ADGRG1: variants seen among roughly 807,000 people sequenced by gnomAD.
ADGRG1 encodes the protein 7-transmembrane protein with no EGF-like N-terminal domains-1.
ADGRG1 carries 53 observed loss-of-function variants against 73.5 expected under a neutral mutation model. The ratio of observed to expected loss-of-function variants is 0.72; its 90% CI spans 0.58 to 0.91. The LOEUF is 0.91. Among genes scored for constraint, ADGRG1 ranks in the 40% least tolerant of loss-of-function variants. ADGRG1 has a pLI of 0.00. For missense variants in ADGRG1, 795 were observed against 871.8 expected (o/e 0.91, Z 1.11); for synonymous variants, 394 against 374.4 (o/e 1.05, Z -0.60).
intron 1 of ADGRG1, chr16:57,646,890 A>G (rs1597390639): frequency 2.0e-6 from 2 of 980,200 alleles, no homozygotes; most frequent in East Asian, 2.3e-4. Context: ...CTGCTCAGCC[A>G]CTCCCTCTGG....
chr16:57,651,103 C>A, intron 2 of ADGRG1, 97 bp from the exon 3 acceptor site: 1 of 1,602,682 alleles, frequency 6.2e-7, no homozygotes, highest in Non-Finnish European at 8.5e-7. Flanking sequence ...GAATCTCAGG[C>A]TCCAGGTTCA....
intron 1 of ADGRG1, chr16:57,636,511 A>G: frequency 1.0e-6 from 1 of 985,250 alleles, no homozygotes; most frequent in Non-Finnish European, 1.2e-6. Context: ...TGATCCTGTT[A>G]GATGCTGGAG....
intron 1 of ADGRG1, among the ~76,000 whole-genome samples, chr16:57,649,583 G>A (rs1438799896): frequency 1.3e-5 from 2 of 152,050 alleles, no homozygotes; most frequent in Non-Finnish European, 2.9e-5. Flanking sequence ...TGTTCCCTCC[G>A]GGCCTGGAGG....
Position 57,631,523 on chromosome 16 carries a change from C to A in ADGRG1, c.-36+2721C>A, listed in dbSNP as rs182605859. 1.5e-3 allele frequency: 1,494 copies of A among 985,492 alleles called. 12 individuals are homozygous for A. The African/African-American group carries it at 0.024, about 16-fold the overall frequency. 61.0% of individuals were successfully genotyped at this position (985,492 alleles called of 1,614,324 possible). A position where few individuals can be genotyped will look rare whatever the true frequency, so the allele number is the denominator to read the frequency against. ...AACAGAGCCCCAAACCCCAGCACCA[C>A]CTCCTCCTCCCAGACTGGAGCTTGA... On this transcript the variant is annotated intron_variant, in intron 1 of 13. Transcript: ENST00000562631.
Position 57,653,966 on chromosome 16 carries a change from C to T in ADGRG1, c.621-20C>T, listed in dbSNP as rs373304800. ...CCGGCCCCCTCCCCACCATCACCACCGCTTTCTCCTCCCTGCCAGGCAGTT... is the reference window on the plus strand; with the variant it reads ...CCGGCCCCCTCCCCACCATCACCACTGCTTTCTCCTCCCTGCCAGGCAGTT... On this transcript the variant is annotated intron_variant, in intron 4 of 13. Coordinates refer to ENST00000562631, the MANE Select transcript of ADGRG1 (RefSeq NM_201525.4). 16 of 1,613,546 alleles carry T rather than the reference C, an allele frequency of 9.9e-6. No homozygotes were observed. Among genetic ancestry groups the T allele is most frequent in the African/African-American group, 2.7e-5 (2 of 74,914 alleles).
chr16:57,641,635 G>T, intron 1 of ADGRG1: 4 of 827,614 alleles, frequency 4.8e-6, no homozygotes, highest in Non-Finnish European at 5.8e-6. Context: ...GTGTGATCTT[G>T]GCTCATCGTA....
intron 12 of ADGRG1, 157 bp from the exon 13 acceptor site, chr16:57,661,540 C>G: frequency 1.0e-6 from 1 of 984,378 alleles, no homozygotes; most frequent in Non-Finnish European, 1.2e-6. Flanking sequence ...GACTTGTTAA[C>G]TCAAATGTAT....
At chr16:57,638,529 A>G (rs1437477273) in intron 1 of ADGRG1, among the ~76,000 whole-genome samples, 1 of 152,224 alleles carries the variant, frequency 6.6e-6, no homozygotes, top group African/African-American at 2.4e-5. Flanking sequence ...CTCCAGGCCT[A>G]GGGCTAACTC....
In ADGRG1 at chr16:57,643,856, C is replaced by CA. The variant is rs1285878945; in HGVS notation, c.-35-6395dup. On this transcript the variant is annotated intron_variant, in intron 1 of 13. Transcript: ENST00000562631. ...GGGGAGGAGAGTGCTTCTGCCTTTGCAAGCTGTTATCCCAGGACCCATGGG... is the reference window on the plus strand; with the variant it reads ...GGGGAGGAGAGTGCTTCTGCCTTTGCAAAGCTGTTATCCCAGGACCCATGGG... 12 of 945,280 alleles carry CA rather than the reference C, an allele frequency of 1.3e-5. No homozygotes were observed. In the East Asian group the frequency reaches 1.1e-3, roughly 86 times the overall value. The allele number at this position is 945,280 out of a possible 1,614,324, so 58.6% of individuals were successfully genotyped here. A position where few individuals can be genotyped will look rare whatever the true frequency, so the allele number is the denominator to read the frequency against.
At chr16:57,658,893 C>T (rs919763728) in intron 10 of ADGRG1, 2 of 932,622 alleles carry the variant, frequency 2.1e-6, no homozygotes, top group Middle Eastern at 5.5e-4. Flanking sequence ...AGGATGGTGA[C>T]ACTGGGGCCT....
At chr16:57,627,005 C>G (rs1314605437), upstream of ADGRG1, 1 of 985,310 alleles carries the variant, frequency 1.0e-6, no homozygotes, top group Non-Finnish European at 1.2e-6. Flanking sequence ...CCAGTCCCCA[C>G]TGTGCCTCCC....
upstream of ADGRG1, chr16:57,623,802 C>G (rs1286488411): frequency 2.0e-6 from 2 of 985,282 alleles, no homozygotes; most frequent in Admixed American, 1.2e-4. Context: ...TATGGGTACC[C>G]CCACGCCTGT....
chr16:57,625,337 C>T (rs1339888891), upstream of ADGRG1, among the ~76,000 whole-genome samples: 3 of 152,158 alleles, frequency 2.0e-5, no homozygotes, highest in Non-Finnish European at 4.4e-5. Flanking sequence ...CTCTTCTCTG[C>T]CTTCCGGATC....
In ADGRG1 at chr16:57,629,183, A is replaced by G. The variant is rs1056887775; in HGVS notation, c.-36+381A>G. 1.1e-5 allele frequency: 11 copies of G among 984,322 alleles called. No homozygotes were observed. In the African/African-American group the frequency reaches 1.9e-4, roughly 17 times the overall value. 61.0% of individuals were successfully genotyped at this position (984,322 alleles called of 1,614,324 possible). A position where few individuals can be genotyped will look rare whatever the true frequency, so the allele number is the denominator to read the frequency against. ...AATGGGGAAATGGGGGGGTCTTGGT[A>G]TCTTGGTGGGATCTAGTCCAGGTCA... On this transcript the variant is annotated intron_variant, in intron 1 of 13. Coordinates refer to ENST00000562631, the MANE Select transcript of ADGRG1 (RefSeq NM_201525.4).
At position 57,653,166 on chromosome 16, in the gene ADGRG1, G is replaced by A. The variant is rs780085630; in HGVS notation, c.488-37G>A. ...ATGGGAGGGTCCTGGGACCTGAATC[G>A]GCAGCCTCGGCGGGGGCCTGTCCAC... On this transcript the variant is annotated intron_variant, in intron 3 of 13. Coordinates refer to ENST00000562631, the MANE Select transcript of ADGRG1 (RefSeq NM_201525.4). 60 of 1,602,014 alleles carry A rather than the reference G, an allele frequency of 3.7e-5. 1 individual carries two copies. The highest frequency in any genetic ancestry group is 3.6e-4 in the African/African-American group (27 of 74,872).
At chr16:57,632,853 C>A (rs931168597) in intron 1 of ADGRG1, 4 of 985,192 alleles carry the variant, frequency 4.1e-6, no homozygotes, top group Non-Finnish European at 4.8e-6. Flanking sequence ...GATGGCCTTG[C>A]TGTCCAAGAG....
In ADGRG1 at chr16:57,655,635, T is replaced by C. The variant is rs144632453; in HGVS notation, c.900+105T>C. On this transcript the variant is annotated intron_variant, in intron 6 of 13. Coordinates refer to ENST00000562631, the MANE Select transcript of ADGRG1 (RefSeq NM_201525.4). ...GCTCCTTCCTCTGGGAGTCAAAGCC[T>C]TTCCTTGTAAAGTTACAAATTGCAC... 1.6e-3 allele frequency: 2,600 copies of C among 1,590,218 alleles called. 43 individuals are homozygous for C. The East Asian group carries it at 0.026, about 16-fold the overall frequency.
chr16:57,627,042 G>C (rs6499902), upstream of ADGRG1: 799,599 of 985,010 alleles, frequency 0.81, 324,752 homozygotes, highest in Admixed American at 0.83. Flanking sequence ...CCACAGCCTG[G>C]ACTGGGGACT....
rs1567746702 is a variant in ADGRG1 at position 57,650,329 on chromosome 16, G to A, written c.42G>A (p.Leu14=). The A allele has an allele frequency of 6.2e-7, 1 of 1,613,172 alleles. No individual in the cohort carries two copies. Among genetic ancestry groups the A allele is most frequent in the Non-Finnish European group, 8.5e-7 (1 of 1,179,078 alleles). Residue 14 remains leucine (L), a synonymous_variant, in exon 2 of 14, where the codon CTG becomes CTA. Transcript: ENST00000562631. ...QSLLQTTLFL[L]SLLFLVQGAH... The stretch of plus-strand genomic sequence containing the variant: ...TGCTGCAGACGACACTGTTCCTGCT[G>A]AGTCTGCTCTTCCTGGTCCAAGGCA...
Sources: allele counts gnomAD v4.1 joint callset (sites outside exome capture counted in the v4.1 genomes callset), GRCh38; gene constraint gnomAD v4.1.1; transcripts MANE v1.5; gene names NCBI Gene and HGNC (gene_info 2026-07-23, HGNC 2026-07-21).